Variants in ASIP observed in about 807,000 individuals in gnomAD.
The protein encoded by ASIP is agouti-signaling protein.
ASIP carries 11 observed loss-of-function variants against 10.3 expected under a neutral mutation model. The observed-to-expected ratio is 1.07, with a 90% CI of 0.68 to 1.78. The LOEUF (loss-of-function observed/expected upper bound fraction) is 1.78. Among genes scored for constraint, ASIP ranks in the 40% most tolerant of loss-of-function variants. The pLI is 0.00. For missense variants in ASIP, 180 were observed against 169.2 expected (o/e 1.06, Z -0.35); for synonymous variants, 70 against 70.8 (o/e 0.99, Z 0.06).
chr20:34,192,761 G>T (rs1021451534), upstream of ASIP, among the ~76,000 whole-genome samples: 8 of 152,098 alleles, frequency 5.3e-5, no homozygotes, highest in Non-Finnish European at 1.5e-5. Context: ...GATTGGTGAT[G>T]CATCAGATTG....
chr20:34,246,409 T>C, intron 1 of ASIP: 1 of 1,366,058 alleles, frequency 7.3e-7, no homozygotes, highest in Non-Finnish European at 1.0e-6. Context: ...CAGGCATATA[T>C]TCACAGTACT....
rs2034895775 is a variant in ASIP, at chr20:34,201,053, T to TTTCC, written c.-11+6296_-11+6297insCTTC. Among the ~76,000 whole-genome samples, 5 of 112,752 alleles carry TTTCC rather than the reference T, an allele frequency of 4.4e-5. No individual in the cohort carries two copies. The East Asian group carries it at 1.2e-3, about 27-fold the overall frequency. The allele number at this position is 112,752 out of a possible 152,430, so 74.0% of individuals were successfully genotyped here. ...CTTTCTTTCTTTCTTTCTTTCTTTCTTTCTTTCTTTTTTTTCCTCCAGAAT... is the reference window on the plus strand; with the variant it reads ...CTTTCTTTCTTTCTTTCTTTCTTTCTTTCCTTCTTTCTTTTTTTTCCTCCAGAAT... On this transcript the variant is annotated intron_variant, in intron 1 of 3. Transcript: ENST00000568305.
intron 1 of ASIP, among the ~76,000 whole-genome samples, chr20:34,258,085 A>G (rs2035603857): frequency 6.6e-6 from 1 of 152,112 alleles, no homozygotes; most frequent in Admixed American, 6.6e-5. Context: ...CAGAGGTTGC[A>G]GTAAGCCAAG....
intron 1 of ASIP, among the ~76,000 whole-genome samples, chr20:34,245,162 C>T (rs1317439925): frequency 5.3e-5 from 8 of 151,490 alleles, no homozygotes; most frequent in Non-Finnish European, 8.8e-5. Context: ...GATGAAACCC[C>T]GTCGCTACTA....
intron 2 of ASIP, 106 bp downstream of exon 2, chr20:34,260,640 C>A: frequency 7.9e-7 from 1 of 1,269,794 alleles, no homozygotes; most frequent in Non-Finnish European, 1.1e-6. Context: ...ACGGCTCCTT[C>A]TTGCTCGTTC....
At chr20:34,220,197 G>C (rs181991581) in intron 1 of ASIP, among the ~76,000 whole-genome samples, 1 of 152,298 alleles carries the variant, frequency 6.6e-6, no homozygotes, top group Non-Finnish European at 1.5e-5. Flanking sequence ...AAAAGGAACA[G>C]ATAATAAAAA....
chr20:34,231,854 G>GTTGGCAAGGACA (rs1394150651), intron 1 of ASIP, among the ~76,000 whole-genome samples: 1 of 152,222 alleles, frequency 6.6e-6, no homozygotes, highest in Non-Finnish European at 1.5e-5. Context: ...CATAACAAGT[G>GTTGGCAAGGACA]TTGGCAAGGA....
intron 1 of ASIP, among the ~76,000 whole-genome samples, chr20:34,233,636 C>T (rs1188214754): frequency 1.3e-5 from 2 of 152,124 alleles, no homozygotes; most frequent in African/African-American, 4.8e-5. Flanking sequence ...CTCAATGGTA[C>T]CACCAGTCTG....
intron 2 of ASIP, 49 bp downstream of exon 2, chr20:34,260,583 G>T (rs1431580638): frequency 1.3e-6 from 2 of 1,534,612 alleles, no homozygotes; most frequent in South Asian, 1.2e-5. Flanking sequence ...GGCTGCAGGA[G>T]ATCAAGCATG....
chr20:34,248,422 C>T (rs1260727588), intron 1 of ASIP, among the ~76,000 whole-genome samples: 2 of 152,166 alleles, frequency 1.3e-5, no homozygotes, highest in African/African-American at 4.8e-5. Context: ...CAGTCAAAAA[C>T]ATTATTATTC....
In ASIP at chr20:34,256,162, C is replaced by T. The variant is rs373338879; in HGVS notation, c.-10-4203C>T. 1.4e-4 allele frequency among the ~76,000 whole-genome samples: 21 copies of T among 152,360 alleles called. No homozygotes were observed. The South Asian group carries it at 2.7e-3, about 20-fold the overall frequency. On this transcript the variant is annotated intron_variant, in intron 1 of 3. Coordinates refer to ENST00000374954, the MANE Select transcript of ASIP (RefSeq NM_001672.3). ...CATAAACTGTCCTCTCTCTCCGCCTCGGCTGCCAAACAGGGAAGGGCCTCC... is the reference window on the plus strand; with the variant it reads ...CATAAACTGTCCTCTCTCTCCGCCTTGGCTGCCAAACAGGGAAGGGCCTCC...
Position 34,226,254 on chromosome 20 carries a change from G to A in ASIP, c.-11+31494G>A, listed in dbSNP as rs2035092301. Among the ~76,000 whole-genome samples the A allele has an allele frequency of 2.6e-5, 4 of 152,242 alleles. No homozygotes were observed. The South Asian group carries it at 8.3e-4, about 32-fold the overall frequency. On this transcript the variant is annotated intron_variant, in intron 1 of 3. Transcript: ENST00000568305. ...ATGTCAGCTTACCATTATTGTCCAT[G>A]TAATTTGCCATTTTAACAGACTAAA...
intron 1 of ASIP, chr20:34,215,060 T>G: frequency 6.5e-7 from 1 of 1,542,328 alleles, no homozygotes; most frequent in East Asian, 2.2e-5. Context: ...TGGTCAATGC[T>G]GAAAAAGCCA....
rs534385636 is a variant in ASIP at position 34,236,004 on chromosome 20, AAG to A, written c.-10-24355_-10-24354del. ...AGAAGGAAAGAAGGAAGGAAGGAGA[AAG>A]AGAGAAAGAGAGAGAGAAGAAGAAA... On this transcript the variant is annotated intron_variant, in intron 1 of 3. Coordinates refer to the ASIP transcript ENST00000568305. Among the ~76,000 whole-genome samples, 72 of 111,818 alleles carry A rather than the reference AAG, an allele frequency of 6.4e-4. 3 individuals are homozygous for A. The East Asian group carries it at 8.4e-3, about 13-fold the overall frequency. 73.4% of individuals were successfully genotyped at this position (111,818 alleles called of 152,430 possible). A position where few individuals can be genotyped will look rare whatever the true frequency, so the allele number is the denominator to read the frequency against.
chr20:34,244,833 T>C (rs2122614155), intron 1 of ASIP, among the ~76,000 whole-genome samples: 1 of 152,298 alleles, frequency 6.6e-6, no homozygotes, highest in South Asian at 2.1e-4. Context: ...AGGGTGGACT[T>C]TGTAACAACA....
At chr20:34,264,102 CTATTT>C (rs1330970177) in intron 3 of ASIP, among the ~76,000 whole-genome samples, 1 of 152,030 alleles carries the variant, frequency 6.6e-6, no homozygotes, top group Non-Finnish European at 1.5e-5. Context: ...AGATACTAGT[CTATTT>C]TATCACTTGC....
intron 1 of ASIP, among the ~76,000 whole-genome samples, chr20:34,258,700 A>ATATATATATATATACATAC: frequency 1.3e-5 from 1 of 77,918 alleles, no homozygotes; most frequent in Non-Finnish European, 2.4e-5. Context: ...TACATACTAT[A>ATATATATATATATACATAC]TATATATATT....
intron 1 of ASIP, among the ~76,000 whole-genome samples, chr20:34,225,202 C>T (rs1318081189): frequency 8.6e-5 from 13 of 151,366 alleles, no homozygotes; most frequent in South Asian, 6.3e-4. Flanking sequence ...CCACCACCCC[C>T]GGCTAATTTT....
At chr20:34,243,408 G>GA (rs970395760) in intron 1 of ASIP, among the ~76,000 whole-genome samples, 2 of 152,182 alleles carry the variant, frequency 1.3e-5, no homozygotes, top group African/African-American at 4.8e-5. Context: ...GTACGTGTAT[G>GA]TAGATACAGC....
Sources: gnomAD v4.1 joint callset for allele counts (sites outside exome capture counted in the v4.1 genomes callset) on GRCh38, gnomAD v4.1.1 for gene constraint, MANE v1.5 for transcripts, NCBI Gene and HGNC (gene_info 2026-07-23, HGNC 2026-07-21) for gene names.